The following SLC35E1 variants were observed in gnomAD, a reference collection of about 807,000 sequenced individuals.
The protein encoded by SLC35E1 is solute carrier family 35 member E1, also known as solute carrier family 35, member E1.
SLC35E1 carries 12 observed loss-of-function variants against 31.0 expected under a neutral mutation model. The ratio of observed to expected loss-of-function variants is 0.39; its 90% CI spans 0.25 to 0.63. The LOEUF is 0.63. Among genes scored for constraint, SLC35E1 ranks in the 20% least tolerant of loss-of-function variants. The pLI is 0.52. For missense variants in SLC35E1, 429 were observed against 572.2 expected (o/e 0.75, Z 2.55); for synonymous variants, 257 against 264.1 (o/e 0.97, Z 0.26).
At position 16,572,091 on chromosome 19, in the gene SLC35E1, C is replaced by T. The variant is rs1408212762; in HGVS notation, c.274G>A (p.Gly92Arg). ...CCGGACGACGGATGCGGACTGGGTCCGGGGCCCGAGACGGGCGGCGCGGGG... is the reference window on the plus strand; with the variant it reads ...CCGGACGACGGATGCGGACTGGGTCTGGGGCCCGAGACGGGCGGCGCGGGG... ...VPPAPPVSGP[G>R]PSPHPSSGPL... Residue 92 changes from glycine to arginine, a missense_variant, in exon 1 of 6, where the codon GGA becomes AGA. Physicochemically the swap from Gly to Arg is moderately radical, Grantham distance 125 (BLOSUM62 -2). Coordinates refer to ENST00000595753, the MANE Select transcript of SLC35E1 (RefSeq NM_024881.5). The surrounding 1 kb of genome is among the most constrained non-coding windows in gnomAD (Gnocchi z 4.1). 2 of 1,521,562 alleles carry T rather than the reference C, an allele frequency of 1.3e-6. No individual in the cohort carries two copies. 94.3% of individuals were successfully genotyped at this position (1,521,562 alleles called of 1,614,324 possible). A position where few individuals can be genotyped will look rare whatever the true frequency, so the allele number is the denominator to read the frequency against.
intron 4 of SLC35E1, among the ~76,000 whole-genome samples, chr19:16,562,223 G>C (rs2085910138): frequency 6.6e-6 from 1 of 152,164 alleles, no homozygotes; most frequent in Non-Finnish European, 1.5e-5. Context: ...TCCATGTGTG[G>C]ACACATACAT....
At chr19:16,570,101 C>T (rs1185514852) in intron 2 of SLC35E1, among the ~76,000 whole-genome samples, 3 of 152,238 alleles carry the variant, frequency 2.0e-5, no homozygotes, top group African/African-American at 7.2e-5. Context: ...ATTAGTCTGG[C>T]TGCCTAACCG....
chr19:16,561,615 GC>G (rs1237920708), intron 4 of SLC35E1, among the ~76,000 whole-genome samples: 2 of 152,218 alleles, frequency 1.3e-5, no homozygotes, highest in Non-Finnish European at 2.9e-5. Context: ...ACTGGGCCAG[GC>G]GTCTCTGGGA....
At position 16,555,372 on chromosome 19, in the gene SLC35E1, G is replaced by A. The variant is rs745863119; in HGVS notation, c.782C>T (p.Thr261Met). 39 of 1,613,838 alleles carry A rather than the reference G, an allele frequency of 2.4e-5. No individual in the cohort carries two copies. The highest frequency in any genetic ancestry group is 1.1e-4 in the South Asian group (10 of 91,078). Reference protein sequence around the residue: ...DLTYVYQWPWTLLLLAVSGFC... With the variant: ...DLTYVYQWPWMLLLLAVSGFC... Reference sequence around the variant, plus strand: ...GCCGCTGACAGCCAGGAGCAGGAGCGTCCAGGGCCACTGGTAGACGTAGGT... The same window carrying A: ...GCCGCTGACAGCCAGGAGCAGGAGCATCCAGGGCCACTGGTAGACGTAGGT... The change falls in exon 5 of 6, where the codon ACG (threonine) becomes ATG (methionine). Residue 261 changes from threonine to methionine, a missense_variant. Transcript: ENST00000595753. The surrounding 1 kb of genome is among the most constrained non-coding windows in gnomAD (Gnocchi z 4.1).
At chr19:16,562,146 A>C (rs577123485) in intron 4 of SLC35E1, among the ~76,000 whole-genome samples, 19 of 152,362 alleles carry the variant, frequency 1.2e-4, no homozygotes, top group African/African-American at 2.6e-4. Context: ...AACAATAACA[A>C]CACAAAATGT....
rs534563164 is a variant in SLC35E1 at position 16,553,511 on chromosome 19, C to T, written c.*168G>A. 21 of 521,752 alleles carry T rather than the reference C, an allele frequency of 4.0e-5. No individual in the cohort carries two copies. Among genetic ancestry groups the T allele is most frequent in the Middle Eastern group, 5.4e-4 (1 of 1,854 alleles). 32.3% of individuals were successfully genotyped at this position (521,752 alleles called of 1,614,324 possible). A position where few individuals can be genotyped will look rare whatever the true frequency, so the allele number is the denominator to read the frequency against. ...TCACGGCCGTCTGCACTGCAGGCAA[C>T]GCATCCTCCTGCGGCTCACGGGGGG... On this transcript the variant is annotated 3_prime_UTR_variant, in exon 6 of 6. Transcript: ENST00000595753.
At chr19:16,568,507 A>G (rs902821574) in intron 2 of SLC35E1, among the ~76,000 whole-genome samples, 1 of 152,198 alleles carries the variant, frequency 6.6e-6, no homozygotes, top group Non-Finnish European at 1.5e-5. Context: ...CTGATCCTCT[A>G]TAAGGCTCCC....
intron 2 of SLC35E1, 69 bp downstream of exon 2, chr19:16,571,443 G>A: frequency 2.0e-6 from 3 of 1,535,290 alleles, no homozygotes; most frequent in Admixed American, 3.3e-5. Flanking sequence ...TCCTGACCAC[G>A]TCACCAGTTG....
At position 16,549,980 on chromosome 19, in the gene SLC35E1, C is replaced by A. The variant is rs1050609278; in HGVS notation, c.*3699G>T. 1 of 152,162 alleles carries A rather than the reference C, an allele frequency of 6.6e-6. No individual in the cohort carries two copies. Among genetic ancestry groups the A allele is most frequent in the South Asian group, 2.1e-4 (1 of 4,828 alleles). 9.4% of individuals were successfully genotyped at this position (152,162 alleles called of 1,614,324 possible). A position where few individuals can be genotyped will look rare whatever the true frequency, so the allele number is the denominator to read the frequency against. Reference sequence around the variant, plus strand: ...AATATTTTCAGGTCTTTTAATAATTCAATGCTCTGTGTCCTTCAGGCTGTG... The same window carrying A: ...AATATTTTCAGGTCTTTTAATAATTAAATGCTCTGTGTCCTTCAGGCTGTG... On this transcript the variant is annotated 3_prime_UTR_variant, in exon 6 of 6. Transcript: ENST00000595753.
intron 4 of SLC35E1, among the ~76,000 whole-genome samples, chr19:16,559,527 C>T (rs2085894172): frequency 1.3e-5 from 2 of 149,332 alleles, no homozygotes; most frequent in South Asian, 4.2e-4. Flanking sequence ...CTGGTGTGAA[C>T]GTGTAGTCCC....
At position 16,572,053 on chromosome 19, in the gene SLC35E1, C is replaced by T. The variant is rs1357238043; in HGVS notation, c.312G>A (p.Pro104=). 16 of 1,539,324 alleles carry T rather than the reference C, an allele frequency of 1.0e-5. No homozygotes were observed. Among genetic ancestry groups the T allele is most frequent in the Admixed American group, 2.0e-5 (1 of 50,228 alleles). ...GCACGTAGCGCGGGTAGAAGCGCGG[C>T]GGCAGCAGCGGGCCGGACGACGGAT... is the stretch of plus-strand genomic sequence containing the variant. ...SPHPSSGPLL[P]PRFYPRYVLP... Residue 104 remains proline, a synonymous_variant, in exon 1 of 6, where the codon CCG becomes CCA. Coordinates refer to ENST00000595753, the MANE Select transcript of SLC35E1 (RefSeq NM_024881.5). The surrounding 1 kb of genome is among the most constrained non-coding windows in gnomAD (Gnocchi z 4.1).
intron 1 of SLC35E1, 44 bp from the exon 2 acceptor site, chr19:16,571,626 A>C: frequency 6.2e-7 from 1 of 1,603,140 alleles, no homozygotes; most frequent in Non-Finnish European, 8.5e-7. Context: ...CCTGAATTTC[A>C]GGGCCCAACC....
chr19:16,551,147 T>C lies in SLC35E1; in HGVS notation c.*2532A>G, dbSNP rs2085843199. On this transcript the variant is annotated 3_prime_UTR_variant, in exon 6 of 6. Transcript: ENST00000595753. ...AGTGAGAAAAATCCAACTGCAGACTTGACTGCCTTCGGTGAAGGCACACGG... is the reference window on the plus strand; with the variant it reads ...AGTGAGAAAAATCCAACTGCAGACTCGACTGCCTTCGGTGAAGGCACACGG... The C allele has an allele frequency of 1.3e-5, 2 of 152,230 alleles. No individual in the cohort carries two copies. Among genetic ancestry groups the C allele is most frequent in the Admixed American group, 6.5e-5 (1 of 15,274 alleles). 9.4% of individuals were successfully genotyped at this position (152,230 alleles called of 1,614,324 possible). A position where few individuals can be genotyped will look rare whatever the true frequency, so the allele number is the denominator to read the frequency against.
At chr19:16,564,710 CCAAA>C (rs2085923336) in intron 4 of SLC35E1, among the ~76,000 whole-genome samples, 1 of 152,170 alleles carries the variant, frequency 6.6e-6, no homozygotes. Flanking sequence ...TTCCCTACCC[CCAAA>C]CAAACCCTCA....
rs1258743254 is a variant in SLC35E1 at position 16,551,460 on chromosome 19, G to A, written c.*2219C>T. On this transcript the variant is annotated 3_prime_UTR_variant, in exon 6 of 6. Transcript: ENST00000595753. ...GAAACACCAGTCAAGCATAAGTGAT[G>A]TTACTTCCTCTCTGAACAGGGAAAC... The A allele has an allele frequency of 1.3e-5, 2 of 152,154 alleles. No homozygotes were observed. Among genetic ancestry groups the A allele is most frequent in the Admixed American group, 6.6e-5 (1 of 15,266 alleles). The allele number at this position is 152,154 out of a possible 1,614,324, so 9.4% of individuals were successfully genotyped here. A position where few individuals can be genotyped will look rare whatever the true frequency, so the allele number is the denominator to read the frequency against.
Position 16,572,227 on chromosome 19 carries a change from C to T in SLC35E1, c.138G>A (p.Val46=). The T allele has an allele frequency of 7.9e-6, 12 of 1,526,468 alleles. No homozygotes were observed. The highest frequency in any genetic ancestry group is 1.1e-5 in the Non-Finnish European group (12 of 1,135,980). The allele number at this position is 1,526,468 out of a possible 1,614,324, so 94.6% of individuals were successfully genotyped here. The change falls in exon 1 of 6, where the codon GTG becomes GTA. Residue 46 remains valine, a synonymous_variant. Transcript: ENST00000595753. This position sits in a 1 kb window ranked among gnomAD's most constrained non-coding sequence, Gnocchi z 4.1. ...AGGCGCTCAGGATCACCTTGTTGAC[C>T]ACGTTGCCGCCCGCGCTCAGCGCGT... ...LWYALSAGGN[V]VNKVILSAFP...
Position 16,571,550 on chromosome 19 carries a change from G to A in SLC35E1, c.454C>T (p.Leu152=), listed in dbSNP as rs139292876. ...KATMPIWVVL[L]SRIIMKEKQS... ...TTCTCCTTCATAATGATCCGGGACAGGAGGACCACCCAGATGGGCATGGTG... is the reference window on the plus strand; with the variant it reads ...TTCTCCTTCATAATGATCCGGGACAAGAGGACCACCCAGATGGGCATGGTG... Residue 152 remains leucine (L), a synonymous_variant, in exon 2 of 6, where the codon CTG becomes TTG. Transcript: ENST00000595753. 21 of 1,614,004 alleles carry A rather than the reference G, an allele frequency of 1.3e-5. No homozygotes were observed. The highest frequency in any genetic ancestry group is 1.5e-5 in the Non-Finnish European group (18 of 1,179,978).
intron 4 of SLC35E1, among the ~76,000 whole-genome samples, chr19:16,559,737 T>G (rs779063133): frequency 6.6e-6 from 1 of 152,212 alleles, no homozygotes; most frequent in East Asian, 1.9e-4. Context: ...CTTTGCTCCT[T>G]GGAGCACGAT....
chr19:16,559,463 TACACACACAC>T (rs61643316), intron 4 of SLC35E1, among the ~76,000 whole-genome samples: 57 of 142,398 alleles, frequency 4.0e-4, no homozygotes, highest in Non-Finnish European at 5.1e-4. Context: ...CTACAAAAAA[TACACACACAC>T]ACACACACAC....
Sources: allele counts gnomAD v4.1 joint callset (sites outside exome capture counted in the v4.1 genomes callset), GRCh38; gene constraint gnomAD v4.1.1; non-coding constraint Gnocchi (gnomAD v3.1); transcripts MANE v1.5; gene names NCBI Gene and HGNC (gene_info 2026-07-23, HGNC 2026-07-21).